Variants in ST7 observed in about 807,000 individuals in gnomAD.
ST7 encodes suppressor of tumorigenicity 7 protein.
ST7 carries 28 observed loss-of-function variants against 78.7 expected under a neutral mutation model. The observed-to-expected ratio is 0.36, with a 90% CI of 0.26 to 0.49. ST7 has a LOEUF of 0.49. Ranked by LOEUF, ST7 falls within the 20% of genes least tolerant of loss-of-function variation. The pLI is 0.99. For missense variants in ST7, 418 were observed against 696.0 expected (o/e 0.60, Z 4.49); for synonymous variants, 247 against 249.6 (o/e 0.99, Z 0.10).
chr7:117,198,407 A>G (rs568900913), intron 12 of ST7: 2 of 429,296 alleles, frequency 4.7e-6, no homozygotes. Flanking sequence ...ACCAGAGAGT[A>G]TAACAGTGGC....
At chr7:117,144,655 A>T (rs1238484122) in intron 9 of ST7, among the ~76,000 whole-genome samples, 1 of 151,426 alleles carries the variant, frequency 6.6e-6, no homozygotes, top group African/African-American at 2.4e-5. Flanking sequence ...AAAAACCAAA[A>T]TTCTGGGGGT....
chr7:117,108,236 G>T (rs1443288660), intron 2 of ST7, among the ~76,000 whole-genome samples: 1 of 152,104 alleles, frequency 6.6e-6, no homozygotes, highest in Admixed American at 6.5e-5. Context: ...TTAGATTTAA[G>T]TCTTTGATTC....
At chr7:117,129,266 T>C (rs1357382850) in intron 3 of ST7, among the ~76,000 whole-genome samples, 1 of 151,902 alleles carries the variant, frequency 6.6e-6, no homozygotes, top group African/African-American at 2.4e-5. Context: ...GGTAATCTTA[T>C]TAATTTTCTT....
intron 10 of ST7, among the ~76,000 whole-genome samples, chr7:117,172,865 C>G: frequency 6.6e-6 from 1 of 152,300 alleles, no homozygotes; most frequent in Middle Eastern, 3.4e-3. Flanking sequence ...GGATGGCAAG[C>G]CTCTTAAGGC....
intron 9 of ST7, among the ~76,000 whole-genome samples, chr7:117,158,152 A>C (rs1806851554): frequency 6.6e-6 from 1 of 152,190 alleles, no homozygotes; most frequent in Non-Finnish European, 1.5e-5. Flanking sequence ...GATGTCTTAA[A>C]GTTAGGTAAA....
At chr7:117,211,336 C>G (rs1011281564) in intron 13 of ST7, among the ~76,000 whole-genome samples, 3 of 152,212 alleles carry the variant, frequency 2.0e-5, no homozygotes, top group Admixed American at 1.3e-4. Context: ...ACACACCACT[C>G]TCCACTCAGG....
chr7:117,043,183 C>T (rs1797317754), intron 1 of ST7, among the ~76,000 whole-genome samples: 1 of 152,184 alleles, frequency 6.6e-6, no homozygotes. Context: ...TAGCTCTCTA[C>T]TTCCTCACGT....
At chr7:117,187,672 G>T (rs1285247120) in intron 10 of ST7, 3 of 152,200 alleles carry the variant, frequency 2.0e-5, no homozygotes, top group East Asian at 3.9e-4. Flanking sequence ...TTCTTGTTGG[G>T]CAGCTAAGTC....
Position 117,119,647 on chromosome 7 carries a change from G to T in ST7, c.321G>T (p.Gly107=), listed in dbSNP as rs760003119. 3.1e-6 allele frequency: 5 copies of T among 1,613,846 alleles called. No homozygotes were observed. The highest frequency in any genetic ancestry group is 3.4e-6 in the Non-Finnish European group (4 of 1,179,976). The part of the protein sequence containing the change: ...SVSHLRPLLG[G]VDNNSSNNSN... ...GCCACTTGCGCCCCCTTCTGGGAGG[G>T]GTTGACAACAACTCTTCCAACAATT... Residue 107 remains glycine, a synonymous_variant, in exon 3 of 16, where the codon GGG becomes GGT. Coordinates refer to ENST00000323984, the MANE Select transcript of ST7 (RefSeq NM_001369598.1).
intron 1 of ST7, among the ~76,000 whole-genome samples, chr7:117,053,786 G>A (rs899553312): frequency 4.6e-5 from 7 of 152,102 alleles, no homozygotes; most frequent in Admixed American, 2.0e-4. Context: ...TATGTATGGT[G>A]TGGGAGAGTG....
At chr7:116,990,854 A>G (rs1042480440) in intron 1 of ST7, among the ~76,000 whole-genome samples, 2 of 152,246 alleles carry the variant, frequency 1.3e-5, no homozygotes, top group African/African-American at 2.4e-5. Context: ...TGGAAAATTT[A>G]AAAAGTAGAC....
intron 1 of ST7, among the ~76,000 whole-genome samples, chr7:116,963,589 C>T (rs367895914): frequency 2.0e-4 from 30 of 151,582 alleles, no homozygotes; most frequent in East Asian, 1.7e-3. Flanking sequence ...GCACTGGTTA[C>T]ACTTATACTC....
At chr7:117,211,196 T>G (rs1792259285) in intron 13 of ST7, among the ~76,000 whole-genome samples, 1 of 152,210 alleles carries the variant, frequency 6.6e-6, no homozygotes, top group Admixed American at 6.5e-5. Flanking sequence ...TAGCAGTAGT[T>G]CTGCTTCTAT....
chr7:116,953,682 T>A lies in ST7; in HGVS notation c.142T>A (p.Leu48Met), dbSNP rs538497080. ...LRVPLKINDN[L>M]STVSMFLNTL... Reference sequence around the variant, plus strand: ...GGTGCCTTTGAAAATCAACGACAACTTGAGCACAGGTAAGGCCTGGGAGCC... The same window carrying A: ...GGTGCCTTTGAAAATCAACGACAACATGAGCACAGGTAAGGCCTGGGAGCC... The change falls in exon 1 of 16, where the codon TTG (leucine) becomes ATG (methionine). Residue 48 changes from leucine to methionine, a missense_variant. Coordinates refer to ENST00000323984, the MANE Select transcript of ST7 (RefSeq NM_001369598.1). The A allele has an allele frequency of 3.4e-6, 5 of 1,489,586 alleles. No individual in the cohort carries two copies. The East Asian group carries it at 1.2e-4, about 34-fold the overall frequency. 92.3% of individuals were successfully genotyped at this position (1,489,586 alleles called of 1,614,324 possible). A position where few individuals can be genotyped will look rare whatever the true frequency, so the allele number is the denominator to read the frequency against.
intron 1 of ST7, among the ~76,000 whole-genome samples, chr7:116,978,840 G>A (rs1172746541): frequency 2.6e-5 from 4 of 152,152 alleles, no homozygotes; most frequent in Admixed American, 6.5e-5. Flanking sequence ...GCCTGCCTTG[G>A]CCTCCCAAAG....
chr7:117,048,018 C>G (rs140058817), intron 1 of ST7, among the ~76,000 whole-genome samples: 1 of 152,002 alleles, frequency 6.6e-6, no homozygotes, highest in Non-Finnish European at 1.5e-5. Context: ...GGTCAATCAA[C>G]GCATATTTTG....
intron 1 of ST7, among the ~76,000 whole-genome samples, chr7:117,087,364 A>G (rs997580576): frequency 2.0e-5 from 3 of 152,214 alleles, no homozygotes; most frequent in Non-Finnish European, 1.5e-5. Flanking sequence ...ATATGTGTGT[A>G]GTGGTCAGTT....
At chr7:116,975,374 GC>G (rs1295832232) in intron 1 of ST7, among the ~76,000 whole-genome samples, 1 of 152,090 alleles carries the variant, frequency 6.6e-6, no homozygotes, top group East Asian at 1.9e-4. Flanking sequence ...TGGGGACACA[GC>G]CAAACCATAT....
At chr7:117,019,220 A>G (rs1297570230) in intron 1 of ST7, among the ~76,000 whole-genome samples, 1 of 152,228 alleles carries the variant, frequency 6.6e-6, no homozygotes, top group East Asian at 1.9e-4. Context: ...AGTTACGTAT[A>G]TATGTATATA....
Sources: allele counts gnomAD v4.1 joint callset (sites outside exome capture counted in the v4.1 genomes callset), GRCh38; gene constraint gnomAD v4.1.1; transcripts MANE v1.5; gene names NCBI Gene and HGNC (gene_info 2026-07-23, HGNC 2026-07-21).